SH3RF3: variants seen among roughly 807,000 people sequenced by gnomAD.
The protein encoded by SH3RF3 is E3 ubiquitin-protein ligase SH3RF3.
SH3RF3 carries 29 observed loss-of-function variants against 66.3 expected under a neutral mutation model. That is an observed-to-expected ratio of 0.44 (90% CI 0.33 to 0.60). SH3RF3 has a LOEUF of 0.60. SH3RF3 is among the 20% of genes least tolerant of loss of function. The pLI is 0.04. For synonymous variants in SH3RF3, 583 were observed against 532.0 expected (o/e 1.10, Z -1.32); for missense variants, 1,194 against 1,190.9 (o/e 1.00, Z -0.04).
chr2:109,190,762 A>G (rs1678333656), intron 1 of SH3RF3, among the ~76,000 whole-genome samples: 2 of 152,100 alleles, frequency 1.3e-5, no homozygotes, highest in African/African-American at 4.8e-5. Flanking sequence ...ACTCACACCC[A>G]TAGAATGGGA....
chr2:109,418,283 C>G (rs1676778151), intron 4 of SH3RF3, among the ~76,000 whole-genome samples: 1 of 152,172 alleles, frequency 6.6e-6, no homozygotes, highest in South Asian at 2.1e-4. Context: ...CCTCCAGGCT[C>G]CCTGACAGCC....
At chr2:109,469,479 CTA>C (rs917442365) in intron 8 of SH3RF3, among the ~76,000 whole-genome samples, 5 of 152,324 alleles carry the variant, frequency 3.3e-5, no homozygotes, top group South Asian at 2.1e-4. Flanking sequence ...AGGGGTCACA[CTA>C]TGTGTGCAGT....
intron 2 of SH3RF3, among the ~76,000 whole-genome samples, chr2:109,349,019 TTCTC>T (rs141831998): frequency 1.3e-5 from 2 of 150,860 alleles, no homozygotes; most frequent in South Asian, 2.1e-4. Context: ...GTGTCAGTAT[TTCTC>T]TCTCTCTCTC....
intron 4 of SH3RF3, among the ~76,000 whole-genome samples, chr2:109,399,479 A>G (rs936925621): frequency 6.6e-6 from 1 of 151,918 alleles, no homozygotes; most frequent in Non-Finnish European, 1.5e-5. Flanking sequence ...AAGTAACCAA[A>G]GCAAAGTATT....
chr2:109,198,423 G>A (rs1290207588), intron 1 of SH3RF3, among the ~76,000 whole-genome samples: 1 of 152,198 alleles, frequency 6.6e-6, no homozygotes, highest in African/African-American at 2.4e-5. Context: ...GGCACAGTGG[G>A]CTACCTCTTG....
In SH3RF3 at chr2:109,259,208, G is replaced by T. The variant is rs1680294327; in HGVS notation, c.574-88466G>T. On this transcript the variant is annotated intron_variant, in intron 1 of 9. Coordinates refer to ENST00000309415, the MANE Select transcript of SH3RF3 (RefSeq NM_001099289.3). ...AATCCATAAAGTGTAGGCTTCTCTG[G>T]CCTTCATGGGTCGGATTAAAGGGTG... Among the ~76,000 whole-genome samples the T allele has an allele frequency of 2.0e-5, 3 of 152,300 alleles. No homozygotes were observed. The South Asian group carries it at 6.2e-4, about 32-fold the overall frequency.
chr2:109,432,451 CT>C, intron 5 of SH3RF3, 49 bp from the exon 6 acceptor site: 1 of 1,603,992 alleles, frequency 6.2e-7, no homozygotes, highest in Non-Finnish European at 8.5e-7. Context: ...GGCCGGTCCC[CT>C]ATCCCCAGGA....
intron 4 of SH3RF3, among the ~76,000 whole-genome samples, chr2:109,404,135 G>C (rs1676387724): frequency 6.6e-6 from 1 of 152,186 alleles, no homozygotes; most frequent in Admixed American, 6.5e-5. Flanking sequence ...GGTAAGAAGT[G>C]GGTGTGGCCG....
At chr2:109,166,785 T>C (rs1677637209) in intron 1 of SH3RF3, among the ~76,000 whole-genome samples, 2 of 152,256 alleles carry the variant, frequency 1.3e-5, no homozygotes, top group Non-Finnish European at 2.9e-5. Context: ...TTTTCAACTA[T>C]ATAGGTTAAA....
intron 4 of SH3RF3, among the ~76,000 whole-genome samples, chr2:109,401,539 G>A (rs1676313791): frequency 6.6e-6 from 1 of 152,224 alleles, no homozygotes; most frequent in Non-Finnish European, 1.5e-5. Context: ...CCTGTGTCCT[G>A]TAATTTGTGA....
chr2:109,360,400 C>T lies in SH3RF3; in HGVS notation c.850-11186C>T, dbSNP rs924770568. ...TGATACCCTTTGCTTTTTGTAGGCT[C>T]GATGTACACAAACTTTGTTTCATGC... On this transcript the variant is annotated intron_variant, in intron 2 of 9. Coordinates refer to ENST00000309415, the MANE Select transcript of SH3RF3 (RefSeq NM_001099289.3). 7.2e-5 allele frequency among the ~76,000 whole-genome samples: 11 copies of T among 152,110 alleles called. No homozygotes were observed. In the East Asian group the frequency reaches 1.2e-3, roughly 16 times the overall value.
rs576736843 is a variant in SH3RF3 at position 109,174,441 on chromosome 2, C to G, written c.573+44328C>G. ...TCCACAGCTGGGGCGTGGGTGGGAC[C>G]AGAGTGGTGCCCTGATCAGAGTAGG... On this transcript the variant is annotated intron_variant, in intron 1 of 9. Transcript: ENST00000309415. Among the ~76,000 whole-genome samples the G allele has an allele frequency of 4.6e-5, 7 of 152,314 alleles. No individual in the cohort carries two copies. The South Asian group carries it at 8.3e-4, about 18-fold the overall frequency.
intron 1 of SH3RF3, among the ~76,000 whole-genome samples, chr2:109,311,389 C>G (rs1681718855): frequency 7.4e-6 from 1 of 134,324 alleles, no homozygotes; most frequent in African/African-American, 2.9e-5. Flanking sequence ...CAATATCATA[C>G]TGAATGGGCA....
chr2:109,378,373 A>G (rs1683438557), intron 3 of SH3RF3, among the ~76,000 whole-genome samples: 1 of 152,176 alleles, frequency 6.6e-6, no homozygotes, highest in Admixed American at 6.5e-5. Flanking sequence ...TGGGGGCTCT[A>G]GTTCTCAACT....
At chr2:109,381,759 C>T (rs1242477421) in intron 3 of SH3RF3, among the ~76,000 whole-genome samples, 4 of 152,078 alleles carry the variant, frequency 2.6e-5, no homozygotes, top group African/African-American at 9.7e-5. Flanking sequence ...AACGAAGGTG[C>T]TCTCGCTTCG....
chr2:109,477,515 AG>A (rs1211466273), intron 8 of SH3RF3, among the ~76,000 whole-genome samples: 1 of 152,214 alleles, frequency 6.6e-6, no homozygotes, highest in Non-Finnish European at 1.5e-5. Flanking sequence ...AGGTGAGACC[AG>A]GAGAGCCTCT....
intron 1 of SH3RF3, among the ~76,000 whole-genome samples, chr2:109,153,015 C>T (rs748751369): frequency 3.3e-5 from 5 of 152,156 alleles, no homozygotes; most frequent in African/African-American, 9.7e-5. Flanking sequence ...CTTAGAAGCA[C>T]GTTTTGATGG....
chr2:109,241,138 G>A (rs1199921720), intron 1 of SH3RF3, among the ~76,000 whole-genome samples: 1 of 152,158 alleles, frequency 6.6e-6, no homozygotes, highest in African/African-American at 2.4e-5. Flanking sequence ...CAAATTAGTC[G>A]ACAGTCAATG....
At chr2:109,486,067 G>A (rs1206122610) in intron 8 of SH3RF3, among the ~76,000 whole-genome samples, 1 of 152,226 alleles carries the variant, frequency 6.6e-6, no homozygotes, top group Non-Finnish European at 1.5e-5. Context: ...GTGTGTCCCT[G>A]GCTGGGGGCA....
Sources: gnomAD v4.1 joint callset for allele counts (sites outside exome capture counted in the v4.1 genomes callset) on GRCh38, gnomAD v4.1.1 for gene constraint, MANE v1.5 for transcripts, NCBI Gene and HGNC (gene_info 2026-07-23, HGNC 2026-07-21) for gene names.